SEL1L2: variants seen among roughly 807,000 people sequenced by gnomAD.
The protein encoded by SEL1L2 is protein sel-1 homolog 2.
Under a neutral mutation model 98.8 loss-of-function variants are expected in SEL1L2, and 89 were observed. That is an observed-to-expected ratio of 0.90 (90% CI 0.76 to 1.07). SEL1L2 has a LOEUF of 1.07. Ranked by LOEUF, SEL1L2 falls within the 50% of genes least tolerant of loss-of-function variation. The probability of loss-of-function intolerance (pLI) is 0.00; values close to 1 mark genes in which losing one functional copy is unlikely to be tolerated. For missense variants in SEL1L2, 788 were observed against 812.0 expected (o/e 0.97, Z 0.36); for synonymous variants, 262 against 278.5 (o/e 0.94, Z 0.59).
At chr20:13,886,516 C>G in intron 8 of SEL1L2, 74 bp from the exon 9 acceptor site, 1 of 1,198,896 alleles carries the variant, frequency 8.3e-7, no homozygotes, top group South Asian at 1.4e-5. Context: ...TTAGAGAAAA[C>G]ACCGTTAGCT....
intron 3 of SEL1L2, among the ~76,000 whole-genome samples, chr20:13,930,063 T>C (rs573856931): frequency 1.3e-5 from 2 of 152,236 alleles, no homozygotes; most frequent in Non-Finnish European, 2.9e-5. Flanking sequence ...AGCGCTTGGA[T>C]GACAGGCATA....
At chr20:13,947,234 T>C (rs1286163305) in intron 2 of SEL1L2, among the ~76,000 whole-genome samples, 1 of 152,088 alleles carries the variant, frequency 6.6e-6, no homozygotes, top group African/African-American at 2.4e-5. Context: ...TCCCCTCTTC[T>C]GAGCCCATAA....
rs796750663 is a variant in SEL1L2, at chr20:13,951,521, T to C, written c.114+4555A>G. Among the ~76,000 whole-genome samples, 3 of 84,854 alleles carry C rather than the reference T, an allele frequency of 3.5e-5. No homozygotes were observed. The South Asian group carries it at 1.2e-3, about 35-fold the overall frequency. The allele number at this position is 84,854 out of a possible 152,430, so 55.7% of individuals were successfully genotyped here. On this transcript the variant is annotated intron_variant, in intron 2 of 19. Transcript: ENST00000284951. ...GGCTGAGGCAGGAGAATCTCTTGAA[T>C]CCGGGAGGTGGAGGTTGCAGTGAGC... is the stretch of plus-strand genomic sequence containing the variant.
intron 2 of SEL1L2, among the ~76,000 whole-genome samples, chr20:13,939,045 T>G (rs572292093): frequency 7.4e-5 from 10 of 134,514 alleles, no homozygotes; most frequent in Non-Finnish European, 1.3e-4. Context: ...GTTTTGTTTT[T>G]TTTTTTTTTT....
intron 2 of SEL1L2, among the ~76,000 whole-genome samples, chr20:13,941,507 T>C (rs1157619424): frequency 6.6e-6 from 1 of 152,086 alleles, no homozygotes; most frequent in African/African-American, 2.4e-5. Flanking sequence ...GTGGTGCAAA[T>C]AAAAATGGAG....
rs181102419 is a variant in SEL1L2 at position 13,958,799 on chromosome 20, C to T, written c.59-2668G>A. Among the ~76,000 whole-genome samples, 23 of 151,692 alleles carry T rather than the reference C, an allele frequency of 1.5e-4. No individual in the cohort carries two copies. The East Asian group carries it at 4.5e-3, about 29-fold the overall frequency. On this transcript the variant is annotated intron_variant, in intron 1 of 19. Coordinates refer to ENST00000284951, the MANE Select transcript of SEL1L2 (RefSeq NM_025229.2). The stretch of plus-strand genomic sequence containing the variant: ...AAAATACAAAAAAAAAAAAAGTTAG[C>T]CGGGTGTGGTGGCAGGCGCCTGTAG...
intron 5 of SEL1L2, among the ~76,000 whole-genome samples, chr20:13,890,727 A>C (rs1029580854): frequency 1.5e-4 from 23 of 152,192 alleles, no homozygotes; most frequent in African/African-American, 5.5e-4. Context: ...TAGAATAATC[A>C]TCTTGAAGAA....
chr20:13,949,068 C>T (rs2050143681), intron 2 of SEL1L2, among the ~76,000 whole-genome samples: 1 of 152,152 alleles, frequency 6.6e-6, no homozygotes, highest in African/African-American at 2.4e-5. Context: ...AAATTTAAAA[C>T]TCCTGTGTAT....
intron 1 of SEL1L2, among the ~76,000 whole-genome samples, chr20:13,983,646 G>C (rs1474312878): frequency 1.3e-5 from 2 of 151,804 alleles, no homozygotes; most frequent in Non-Finnish European, 2.9e-5. Context: ...CTCAGCCTCT[G>C]GAGTAGCTGG....
At chr20:13,919,979 A>G (rs960574210) in intron 3 of SEL1L2, among the ~76,000 whole-genome samples, 1 of 149,914 alleles carries the variant, frequency 6.7e-6, no homozygotes, top group Admixed American at 6.7e-5. Context: ...CTGTAATCCC[A>G]GCACTTTGGA....
At chr20:13,957,607 C>T (rs2050599824) in intron 1 of SEL1L2, among the ~76,000 whole-genome samples, 2 of 152,116 alleles carry the variant, frequency 1.3e-5, no homozygotes, top group South Asian at 4.1e-4. Context: ...CTGGGTATGG[C>T]AGCTCACACC....
chr20:13,920,003 C>T (rs145007743), intron 3 of SEL1L2, among the ~76,000 whole-genome samples: 4,235 of 150,824 alleles, frequency 0.028, 86 homozygotes, highest in Non-Finnish European at 0.041. Context: ...CCGAGGCAGG[C>T]GGATCACTTG....
At chr20:13,888,106 C>G in intron 6 of SEL1L2, 105 bp from the exon 7 acceptor site, 3 of 887,222 alleles carry the variant, frequency 3.4e-6, no homozygotes, top group South Asian at 3.1e-5. Context: ...CCATAATGAC[C>G]CATTGAGTTA....
chr20:13,875,949 G>C, intron 12 of SEL1L2, 89 bp downstream of exon 12: 4 of 991,454 alleles, frequency 4.0e-6, no homozygotes, highest in Non-Finnish European at 6.5e-6. Context: ...TCTGGGCTTG[G>C]GACTTCGAAG....
At chr20:13,876,148 A>C (rs755947169) in intron 11 of SEL1L2, 33 bp from the exon 12 acceptor site, 1 of 1,481,978 alleles carries the variant, frequency 6.7e-7, no homozygotes, top group Non-Finnish European at 9.4e-7. Flanking sequence ...GATAGAAAAA[A>C]CAAAATAATT....
chr20:13,868,857 C>T (rs1445302362), intron 14 of SEL1L2, among the ~76,000 whole-genome samples: 1 of 152,144 alleles, frequency 6.6e-6, no homozygotes, highest in Non-Finnish European at 1.5e-5. Context: ...CTCGGCCTCC[C>T]AAAGTGCTAG....
intron 2 of SEL1L2, among the ~76,000 whole-genome samples, chr20:13,934,473 T>TATA (rs61086152): frequency 1.0e-3 from 1 of 964 alleles, no homozygotes. Context: ...TATATATATA[T>TATA]TCCATATATA....
chr20:13,850,877 C>T (rs930343649), intron 18 of SEL1L2, among the ~76,000 whole-genome samples: 1 of 152,166 alleles, frequency 6.6e-6, no homozygotes, highest in Non-Finnish European at 1.5e-5. Flanking sequence ...AAAACTAACA[C>T]AATCTCCAGA....
intron 18 of SEL1L2, among the ~76,000 whole-genome samples, chr20:13,856,734 G>A (rs1989229254): frequency 6.6e-6 from 1 of 152,150 alleles, no homozygotes; most frequent in Non-Finnish European, 1.5e-5. Context: ...ACCAAGAGAT[G>A]ATTTATACCT....
Sources: allele counts gnomAD v4.1 joint callset (sites outside exome capture counted in the v4.1 genomes callset), GRCh38; gene constraint gnomAD v4.1.1; transcripts MANE v1.5; gene names NCBI Gene and HGNC (gene_info 2026-07-23, HGNC 2026-07-21).